The following TNRC6C variants were observed in gnomAD, a reference collection of about 807,000 sequenced individuals.
TNRC6C encodes the protein trinucleotide repeat-containing gene 6C protein.
In TNRC6C, 20 loss-of-function variants were observed where a neutral mutation model predicts 153.7. The observed-to-expected ratio is 0.13, with a 90% CI of 0.09 to 0.19. The LOEUF is 0.19. TNRC6C is among the 10% of genes least tolerant of loss of function. TNRC6C has a pLI of 1.00. For missense variants in TNRC6C, 1,987 were observed against 2,172.0 expected (o/e 0.91, Z 1.69); for synonymous variants, 811 against 841.4 (o/e 0.96, Z 0.63).
intron 3 of TNRC6C, among the ~76,000 whole-genome samples, chr17:78,052,511 G>A (rs893886000): frequency 6.6e-6 from 1 of 152,232 alleles, no homozygotes; most frequent in African/African-American, 2.4e-5. Context: ...TATACGTAGT[G>A]TTGGGCAGTG....
rs8082514 is a variant in TNRC6C, at chr17:78,103,832, A to G, written c.4712+279A>G. On this transcript the variant is annotated intron_variant, in intron 19 of 19. Coordinates refer to ENST00000301624, the Ensembl canonical transcript of TNRC6C. ...CATGTCTGTGCCGTAATCTCTCCTT[A>G]TAAGGACACCAGTCCTGTTGGACTA... Among the ~76,000 whole-genome samples the G allele has an allele frequency of 2.0e-3, 311 of 152,314 alleles. 4 individuals are homozygous for G. The highest frequency in any genetic ancestry group is 6.8e-3 in the African/African-American group (283 of 41,562).
chr17:78,048,935 A>G (rs2072462510), exon 3 of TNRC6C: 1 of 1,288,130 alleles, frequency 7.8e-7, no homozygotes, highest in Admixed American at 3.8e-5. Flanking sequence ...TGCAGCTGGG[A>G]TAAAGTGATA....
exon 20 of TNRC6C, chr17:78,108,350 A>C (rs538139179): frequency 1.3e-5 from 2 of 154,962 alleles, no homozygotes; most frequent in East Asian, 3.9e-4. Context: ...AATCCGGAGA[A>C]GAAATTAAAG....
exon 9 of TNRC6C, chr17:78,077,249 C>A: frequency 1.2e-6 from 2 of 1,601,034 alleles, no homozygotes; most frequent in East Asian, 2.3e-5. Context: ...CTGAAGCTCC[C>A]CCTTTCACAC....
intron 1 of TNRC6C, among the ~76,000 whole-genome samples, chr17:78,021,063 T>C (rs1029181199): frequency 2.6e-5 from 4 of 152,184 alleles, no homozygotes; most frequent in African/African-American, 9.7e-5. Context: ...GAAATTCTTG[T>C]TTGACTTTTG....
chr17:77,993,159 A>G (rs1383619268), intron 1 of TNRC6C, among the ~76,000 whole-genome samples: 1 of 152,072 alleles, frequency 6.6e-6, no homozygotes, highest in Non-Finnish European at 1.5e-5. Context: ...ACGGGGTTTT[A>G]CCATGATGGC....
At chr17:77,967,589 A>G (rs2070907887) in intron 1 of TNRC6C, among the ~76,000 whole-genome samples, 1 of 152,194 alleles carries the variant, frequency 6.6e-6, no homozygotes, top group Admixed American at 6.5e-5. Context: ...TGTTTTCTGT[A>G]GGGTACCTGA....
upstream of TNRC6C, among the ~76,000 whole-genome samples, chr17:77,958,683 G>C (rs1261523032): frequency 1.3e-5 from 2 of 151,958 alleles, no homozygotes; most frequent in African/African-American, 2.4e-5. Context: ...GGCTGAAGCG[G>C]GGGGAGGGGG....
At position 78,086,493 on chromosome 17, in the gene TNRC6C, C is replaced by G. The variant is rs748222950; in HGVS notation, c.3478-10C>G. Reference sequence around the variant, plus strand: ...TATCATACTATTTTAACTCTTCGTTCTGTCAACAGGCATACCAACGTTTAC... The same window carrying G: ...TATCATACTATTTTAACTCTTCGTTGTGTCAACAGGCATACCAACGTTTAC... On this transcript the variant is annotated splice_polypyrimidine_tract_variant and intron_variant, in intron 11 of 19. Transcript: ENST00000301624. The G allele has an allele frequency of 6.2e-7, 1 of 1,612,584 alleles. No homozygotes were observed. The highest frequency in any genetic ancestry group is 1.1e-5 in the South Asian group (1 of 91,016).
upstream of TNRC6C, among the ~76,000 whole-genome samples, chr17:78,002,876 A>G (rs564662360): frequency 1.3e-5 from 2 of 152,358 alleles, no homozygotes; most frequent in South Asian, 4.1e-4. Flanking sequence ...ATTAGTGAAC[A>G]TATGAGATGG....
chr17:78,097,631 TA>T, intron 16 of TNRC6C, 113 bp from the exon 19 acceptor site: 1 of 673,318 alleles, frequency 1.5e-6, no homozygotes, highest in Non-Finnish European at 2.4e-6. Context: ...AGGCTTCTAT[TA>T]AAAATGGCAG....
chr17:78,076,754 TTA>T (rs1209893444), intron 8 of TNRC6C, among the ~76,000 whole-genome samples: 2 of 152,224 alleles, frequency 1.3e-5, no homozygotes, highest in Non-Finnish European at 2.9e-5. Context: ...CACCCTCTTC[TTA>T]GATTACACCC....
At chr17:78,055,477 G>C (rs1429673743) in intron 3 of TNRC6C, among the ~76,000 whole-genome samples, 1 of 152,190 alleles carries the variant, frequency 6.6e-6, no homozygotes, top group Admixed American at 6.5e-5. Flanking sequence ...ACAAACACGT[G>C]GGGAATGCAT....
chr17:78,084,866 A>G (rs988603989), intron 11 of TNRC6C, among the ~76,000 whole-genome samples: 1 of 152,124 alleles, frequency 6.6e-6, no homozygotes, highest in Non-Finnish European at 1.5e-5. Context: ...TCCTTACCTC[A>G]GGTGATCCTC....
chr17:77,959,772 C>G (rs910211168), intron 1 of TNRC6C, among the ~76,000 whole-genome samples: 10 of 152,156 alleles, frequency 6.6e-5, no homozygotes, highest in African/African-American at 9.7e-5. Context: ...GTGCTGCGGA[C>G]TGCGGAGTAA....
At chr17:77,967,139 A>G (rs1176019642) in intron 1 of TNRC6C, among the ~76,000 whole-genome samples, 1 of 152,196 alleles carries the variant, frequency 6.6e-6, no homozygotes, top group Non-Finnish European at 1.5e-5. Flanking sequence ...ACTTTTGTGT[A>G]TATGTAGTGT....
chr17:77,999,126 G>A (rs9911224), intron 1 of TNRC6C, among the ~76,000 whole-genome samples: 2,778 of 152,300 alleles, frequency 0.018, 74 homozygotes, highest in African/African-American at 0.053. Flanking sequence ...TAACTCAAAG[G>A]TGAGCCCAAA....
intron 1 of TNRC6C, among the ~76,000 whole-genome samples, chr17:77,980,017 A>C (rs2071052105): frequency 9.4e-6 from 1 of 106,548 alleles, no homozygotes; most frequent in South Asian, 2.8e-4. Flanking sequence ...TCAGACAGAC[A>C]AAAATTAGAA....
chr17:77,958,022 G>C (rs773709393), upstream of TNRC6C, among the ~76,000 whole-genome samples: 4 of 152,098 alleles, frequency 2.6e-5, no homozygotes, highest in Non-Finnish European at 4.4e-5. Flanking sequence ...CCTGGGGAGC[G>C]ACTGAGCGCA....
Sources: gnomAD v4.1 joint callset for allele counts (sites outside exome capture counted in the v4.1 genomes callset) on GRCh38, gnomAD v4.1.1 for gene constraint, MANE v1.5 for transcripts, NCBI Gene and HGNC (gene_info 2026-07-23, HGNC 2026-07-21) for gene names.